The following ADAMTSL1 variants were observed in gnomAD, a reference collection of about 807,000 sequenced individuals.
ADAMTSL1 encodes ADAMTS-like protein 1.
Under a neutral mutation model 201.8 loss-of-function variants are expected in ADAMTSL1, and 126 were observed. The ratio of observed to expected loss-of-function variants is 0.62; its 90% CI spans 0.54 to 0.72. The LOEUF (loss-of-function observed/expected upper bound fraction) is 0.72, where lower values mean the gene tolerates loss of function less well. Ranked by LOEUF, ADAMTSL1 falls within the 30% of genes least tolerant of loss-of-function variation. ADAMTSL1 has a pLI of 0.00. For synonymous variants in ADAMTSL1, 1,121 were observed against 903.4 expected (o/e 1.24, Z -4.32); for missense variants, 2,679 against 2,277.8 (o/e 1.18, Z -3.59).
chr9:18,291,516 C>A (rs911001162), intron 2 of ADAMTSL1, among the ~76,000 whole-genome samples: 2 of 152,132 alleles, frequency 1.3e-5, no homozygotes, highest in Admixed American at 6.5e-5. Context: ...GAAACACCTA[C>A]TTTAGCCCCA....
intron 2 of ADAMTSL1, among the ~76,000 whole-genome samples, chr9:18,410,924 C>T (rs1414151853): frequency 2.7e-5 from 4 of 150,650 alleles, no homozygotes; most frequent in African/African-American, 9.8e-5. Flanking sequence ...TTACTGCAAC[C>T]TCCATCTCCC....
intron 21 of ADAMTSL1, among the ~76,000 whole-genome samples, chr9:18,820,949 A>G (rs577839802): frequency 6.6e-6 from 1 of 152,338 alleles, no homozygotes; most frequent in Admixed American, 6.5e-5. Flanking sequence ...TAAAGAAGTA[A>G]AACCTGGCTG....
intron 1 of ADAMTSL1, among the ~76,000 whole-genome samples, chr9:18,065,023 G>T (rs1461319266): frequency 1.5e-5 from 2 of 137,366 alleles, no homozygotes; most frequent in Non-Finnish European, 1.5e-5. Context: ...ACAAGGAAAG[G>T]GTTGAAAAGA....
chr9:17,925,644 G>A (rs1000613922), intron 1 of ADAMTSL1, among the ~76,000 whole-genome samples: 1 of 131,164 alleles, frequency 7.6e-6, no homozygotes, highest in African/African-American at 2.8e-5. Flanking sequence ...TCATAGGTGG[G>A]AATTGAACAA....
At chr9:18,622,920 GTCTC>G (rs1397491626) in intron 5 of ADAMTSL1, among the ~76,000 whole-genome samples, 6 of 152,246 alleles carry the variant, frequency 3.9e-5, no homozygotes, top group Non-Finnish European at 7.4e-5. Context: ...TTTTGACTGA[GTCTC>G]TCATTCTGTT....
At chr9:18,712,930 G>C (rs2133369843) in intron 14 of ADAMTSL1, among the ~76,000 whole-genome samples, 1 of 149,536 alleles carries the variant, frequency 6.7e-6, no homozygotes, top group South Asian at 2.2e-4. Context: ...CCAGAAGAGA[G>C]TGGGGGCCAA....
intron 3 of ADAMTSL1, among the ~76,000 whole-genome samples, chr9:18,557,703 C>G (rs184237759): frequency 6.6e-6 from 1 of 152,136 alleles, no homozygotes; most frequent in African/African-American, 2.4e-5. Flanking sequence ...AGCGGTCCAT[C>G]ATGGCATTTA....
intron 2 of ADAMTSL1, among the ~76,000 whole-genome samples, chr9:18,316,300 G>T (rs1446520372): frequency 1.3e-5 from 2 of 152,152 alleles, no homozygotes; most frequent in African/African-American, 4.8e-5. Flanking sequence ...AGGGTTTTGA[G>T]GGCAACTGGT....
intron 23 of ADAMTSL1, among the ~76,000 whole-genome samples, chr9:18,849,085 G>A (rs1826315470): frequency 6.6e-6 from 1 of 152,174 alleles, no homozygotes; most frequent in Admixed American, 6.5e-5. Flanking sequence ...GTGATACTTA[G>A]CCTATCACAC....
chr9:18,898,541 T>G (rs560887062), intron 26 of ADAMTSL1, among the ~76,000 whole-genome samples: 3 of 152,286 alleles, frequency 2.0e-5, no homozygotes, highest in South Asian at 4.1e-4. Context: ...AACCTATGAC[T>G]GATTGGGGTA....
At chr9:18,021,014 T>C (rs970296146) in intron 1 of ADAMTSL1, among the ~76,000 whole-genome samples, 3 of 152,140 alleles carry the variant, frequency 2.0e-5, no homozygotes, top group African/African-American at 7.2e-5. Flanking sequence ...GTCTGCACAG[T>C]GGTACTGTCG....
intron 23 of ADAMTSL1, among the ~76,000 whole-genome samples, chr9:18,880,806 T>C (rs1028949581): frequency 1.3e-5 from 2 of 152,234 alleles, no homozygotes; most frequent in Non-Finnish European, 2.9e-5. Context: ...TTCTCTCTAG[T>C]TATCAAGCTC....
intron 20 of ADAMTSL1, among the ~76,000 whole-genome samples, chr9:18,806,759 A>G (rs1170180712): frequency 1.3e-5 from 2 of 152,206 alleles, no homozygotes; most frequent in South Asian, 2.1e-4. Flanking sequence ...GGGGTTACTC[A>G]TCTGTCCCTG....
At position 18,611,841 on chromosome 9, in the gene ADAMTSL1, C is replaced by T. The variant is rs183593600; in HGVS notation, c.475-10402C>T. On this transcript the variant is annotated intron_variant, in intron 4 of 28. Coordinates refer to ENST00000380548, the MANE Select transcript of ADAMTSL1 (RefSeq NM_001040272.6). ...CACGTCCTCCTCTATAATTTAACCA[C>T]AGAGGCTGCCGAAGTTCCTACCCTT... 4.6e-3 allele frequency among the ~76,000 whole-genome samples: 703 copies of T among 152,310 alleles called. 3 individuals carry two copies. The highest frequency in any genetic ancestry group is 5.9e-3 in the Non-Finnish European group (399 of 68,032).
At chr9:18,681,580 CA>C (rs1284129959) in intron 11 of ADAMTSL1, 1 of 317,236 alleles carries the variant, frequency 3.2e-6, no homozygotes, top group Non-Finnish European at 5.8e-6. Context: ...CTGATTAATC[CA>C]AAGCTATGGA....
chr9:18,314,782 CTTTTTTTTTTTTTTTTTTT>C (rs776046209), intron 2 of ADAMTSL1, among the ~76,000 whole-genome samples: 3 of 49,840 alleles, frequency 6.0e-5, no homozygotes, highest in African/African-American at 8.3e-5. Context: ...CGGCAGCGTG[CTTTTTTTTTTTTTTTTTTT>C]TTTTTTTTTT....
At chr9:18,149,024 A>G (rs1202968845) in intron 1 of ADAMTSL1, among the ~76,000 whole-genome samples, 1 of 152,076 alleles carries the variant, frequency 6.6e-6, no homozygotes, top group African/African-American at 2.4e-5. Context: ...CAGGTTCTCC[A>G]ATAGAAAGTG....
intron 2 of ADAMTSL1, among the ~76,000 whole-genome samples, chr9:18,437,889 T>G (rs550265939): frequency 2.5e-4 from 38 of 152,188 alleles, no homozygotes; most frequent in Non-Finnish European, 5.1e-4. Context: ...AAGCATGACT[T>G]ATGCCCCCAG....
intron 23 of ADAMTSL1, among the ~76,000 whole-genome samples, chr9:18,839,000 C>A (rs1181740559): frequency 6.7e-6 from 1 of 149,634 alleles, no homozygotes; most frequent in African/African-American, 2.5e-5. Context: ...TGGCCCACCC[C>A]CTCTTTTTAG....
Sources: gnomAD v4.1 joint callset for allele counts (sites outside exome capture counted in the v4.1 genomes callset) on GRCh38, gnomAD v4.1.1 for gene constraint, MANE v1.5 for transcripts, NCBI Gene and HGNC (gene_info 2026-07-23, HGNC 2026-07-21) for gene names.